The following PACRGL variants were observed in gnomAD, a reference collection of about 807,000 sequenced individuals.
PACRGL encodes the protein PACRG-like protein.
A neutral mutation model predicts 34.5 loss-of-function variants in PACRGL; 38 were observed. The observed-to-expected ratio is 1.10, with a 90% CI of 0.85 to 1.44. The LOEUF is 1.44. PACRGL is among the 40% of genes most tolerant of loss of function. PACRGL has a pLI of 0.00. For missense variants in PACRGL, 305 were observed against 281.4 expected (o/e 1.08, Z -0.60); for synonymous variants, 128 against 100.1 (o/e 1.28, Z -1.66).
intron 8 of PACRGL, 146 bp from the exon 9 acceptor site, chr4:20,727,138 GC>G (rs1379473226): frequency 2.0e-5 from 13 of 652,486 alleles, no homozygotes; most frequent in African/African-American, 1.8e-4. Context: ...ATTTAACTCA[GC>G]AAAAAGTCCT....
At chr4:20,743,077 C>T (rs548253948) in intron 8 of PACRGL, among the ~76,000 whole-genome samples, 2 of 141,316 alleles carry the variant, frequency 1.4e-5, no homozygotes, top group African/African-American at 5.6e-5. Context: ...ATAAGTTCAC[C>T]CTTATGTGAA....
At position 20,727,480 on chromosome 4, in the gene PACRGL, CAA is replaced by C. The variant is rs1245510144; in HGVS notation, c.*141_*142del. ...AGGTTAAGATGAATAGACACTGAAT[CAA>C]AGTTATTCATCAACAAAAAAGAACA... On this transcript the variant is annotated 3_prime_UTR_variant, in exon 9 of 9. Coordinates refer to ENST00000503585, the MANE Select transcript of PACRGL (RefSeq NM_001258345.3). 5 of 600,480 alleles carry C rather than the reference CAA, an allele frequency of 8.3e-6. No individual in the cohort carries two copies. Among genetic ancestry groups the C allele is most frequent in the South Asian group, 5.9e-5 (2 of 33,672 alleles). 37.2% of individuals were successfully genotyped at this position (600,480 alleles called of 1,614,324 possible).
chr4:20,699,325 A>T (rs1046738302), upstream of PACRGL, among the ~76,000 whole-genome samples: 1 of 152,208 alleles, frequency 6.6e-6, no homozygotes, highest in Admixed American at 6.5e-5. Flanking sequence ...ATTTCAGTCT[A>T]GTGAGAAAGA....
At chr4:20,758,142 G>C in the PACRGL span, among the ~76,000 whole-genome samples, 1 of 152,096 alleles carries the variant, frequency 6.6e-6, no homozygotes, top group Non-Finnish European at 1.5e-5. Context: ...GCATCTGTTA[G>C]GTAATTGAAA....
chr4:20,753,906 G>GTTCATTCA (rs3835144), downstream of PACRGL, among the ~76,000 whole-genome samples: 7,233 of 151,266 alleles, frequency 0.048, 243 homozygotes, highest in African/African-American at 0.092. Flanking sequence ...GAGCTCATTT[G>GTTCATTCA]TTCATTCATT....
intron 7 of PACRGL, among the ~76,000 whole-genome samples, chr4:20,719,431 T>G (rs1741896565): frequency 1.3e-5 from 2 of 152,184 alleles, no homozygotes; most frequent in Non-Finnish European, 1.5e-5. Context: ...AGGGTATCAG[T>G]TTTAGATCTT....
downstream of PACRGL, among the ~76,000 whole-genome samples, chr4:20,733,896 C>T (rs6831516): frequency 0.32 from 49,272 of 151,966 alleles, 8,503 homozygotes; most frequent in African/African-American, 0.43. Flanking sequence ...GCACCTGTGT[C>T]TCTCCAGTAG....
rs114966880 is a variant in PACRGL at position 20,700,623 on chromosome 4, C to T, written c.-181C>T. On this transcript the variant is annotated 5_prime_UTR_variant, in exon 1 of 9. Coordinates refer to ENST00000503585, the MANE Select transcript of PACRGL (RefSeq NM_001258345.3). ...GCCGTGAACCGCGGGTACAGGTGTC[C>T]TGTCTGCGCTCTCTGCCAAGCCGGC... 0.039 allele frequency: 5,937 copies of T among 152,186 alleles called. 174 individuals carry two copies. Among genetic ancestry groups the T allele is most frequent in the Middle Eastern group, 0.065 (19 of 294 alleles). The allele number at this position is 152,186 out of a possible 1,614,324, so 9.4% of individuals were successfully genotyped here.
Position 20,730,168 on chromosome 4 carries a change from T to G in PACRGL, c.*2827T>G, listed in dbSNP as rs370471191. ...ACACAGAGCGATTAAATTCAGCATA[T>G]CTGCAAGGAAAAGTACACTATTTTG... On this transcript the variant is annotated 3_prime_UTR_variant, in exon 9 of 9. Coordinates refer to ENST00000503585, the MANE Select transcript of PACRGL (RefSeq NM_001258345.3). The G allele has an allele frequency of 6.3e-7, 1 of 1,583,624 alleles. No individual in the cohort carries two copies. The highest frequency in any genetic ancestry group is 1.2e-5 in the South Asian group (1 of 85,488).
chr4:20,714,510 A>T (rs1018926697), intron 7 of PACRGL, among the ~76,000 whole-genome samples: 1 of 152,070 alleles, frequency 6.6e-6, no homozygotes, highest in African/African-American at 2.4e-5. Context: ...TTTAAAGTTA[A>T]TATTATGATG....
At chr4:20,727,257 A>G (rs1746159382) in intron 8 of PACRGL, 28 bp from the exon 9 acceptor site, 1 of 1,582,342 alleles carries the variant, frequency 6.3e-7, no homozygotes, top group Admixed American at 1.7e-5. Context: ...CATGATACTA[A>G]TGATGCTCAA....
At chr4:20,727,244 CTG>C (rs768157861) in intron 8 of PACRGL, 39 bp from the exon 9 acceptor site, 2 of 1,538,956 alleles carry the variant, frequency 1.3e-6, no homozygotes, top group African/African-American at 2.7e-5. Flanking sequence ...TAGGGGAACT[CTG>C]CATGATACTA....
intron 8 of PACRGL, among the ~76,000 whole-genome samples, chr4:20,747,875 A>T (rs1310599121): frequency 6.6e-6 from 1 of 152,088 alleles, no homozygotes; most frequent in African/African-American, 2.4e-5. Context: ...TCTTGACTCC[A>T]CAAAGCCATT....
chr4:20,701,601 A>G (rs923029980), intron 1 of PACRGL: 5 of 288,076 alleles, frequency 1.7e-5, no homozygotes, highest in African/African-American at 4.3e-5. Flanking sequence ...GTTACCAAGG[A>G]TAAGATTTTT....
chr4:20,741,538 C>T (rs4414951), intron 8 of PACRGL, among the ~76,000 whole-genome samples: 50,018 of 152,040 alleles, frequency 0.33, 8,750 homozygotes, highest in African/African-American at 0.43. Context: ...AAAGACACAA[C>T]GTACCAGAAT....
chr4:20,719,558 T>A (rs1289211993), intron 7 of PACRGL, among the ~76,000 whole-genome samples: 3 of 152,248 alleles, frequency 2.0e-5, no homozygotes, highest in Non-Finnish European at 4.4e-5. Flanking sequence ...TCAAAGAACA[T>A]CTTTATTTCT....
chr4:20,712,608 G>A (rs1029571285), intron 5 of PACRGL, 180 bp from the exon 6 acceptor site: 10 of 533,642 alleles, frequency 1.9e-5, no homozygotes, highest in African/African-American at 1.8e-4. Context: ...GGATACCAAG[G>A]GACCCTTTGT....
chr4:20,722,467 C>T (rs977770828), intron 7 of PACRGL, among the ~76,000 whole-genome samples: 3 of 152,132 alleles, frequency 2.0e-5, no homozygotes, highest in Non-Finnish European at 2.9e-5. Flanking sequence ...ATCTTGGAAC[C>T]GCCCCCTTCT....
chr4:20,716,069 T>C, intron 7 of PACRGL: 1 of 1,499,414 alleles, frequency 6.7e-7, no homozygotes, highest in Non-Finnish European at 8.8e-7. Flanking sequence ...CTTTTCCTGA[T>C]ATGTATAACT....
Sources: allele counts gnomAD v4.1 joint callset (sites outside exome capture counted in the v4.1 genomes callset), GRCh38; gene constraint gnomAD v4.1.1; transcripts MANE v1.5; gene names NCBI Gene and HGNC (gene_info 2026-07-23, HGNC 2026-07-21).